Variants in LRRFIP1 observed in about 807,000 individuals in gnomAD.
LRRFIP1 encodes leucine-rich repeat flightless-interacting protein 1.
LRRFIP1 carries 62 observed loss-of-function variants against 104.4 expected under a neutral mutation model. That is an observed-to-expected ratio of 0.59 (90% CI 0.48 to 0.73). LRRFIP1 has a LOEUF of 0.73. LRRFIP1 is among the 30% of genes least tolerant of loss of function. The probability of loss-of-function intolerance (pLI) is 0.00; values close to 1 mark genes in which losing one functional copy is unlikely to be tolerated. For missense variants in LRRFIP1, 796 were observed against 824.5 expected (o/e 0.97, Z 0.42); for synonymous variants, 300 against 299.0 (o/e 1.00, Z -0.03).
intron 11 of LRRFIP1, among the ~76,000 whole-genome samples, chr2:237,740,284 C>T (rs1319790966): frequency 1.3e-5 from 2 of 151,590 alleles, no homozygotes; most frequent in Non-Finnish European, 2.9e-5. Context: ...GGTGTGGAGG[C>T]ACGCATCTGT....
At chr2:237,650,791 A>T (rs2085809232) in intron 1 of LRRFIP1, among the ~76,000 whole-genome samples, 1 of 152,134 alleles carries the variant, frequency 6.6e-6, no homozygotes, top group Non-Finnish European at 1.5e-5. Flanking sequence ...TGAATATGGG[A>T]TGGGAGAGAG....
chr2:237,645,062 G>A (rs1438459037), intron 1 of LRRFIP1, among the ~76,000 whole-genome samples: 1 of 152,190 alleles, frequency 6.6e-6, no homozygotes, highest in Non-Finnish European at 1.5e-5. Flanking sequence ...CAAGTCACTA[G>A]GTCCAGCCCA....
rs746690463 is a variant in LRRFIP1 at position 237,708,641 on chromosome 2, G to A, written c.183+11G>A. ...CGGCAGCAGAAGGAGGTAACGCTTG[G>A]GGCTCCTTGTTGGGTCTTTTCACAG... is the stretch of plus-strand genomic sequence containing the variant. On this transcript the variant is annotated intron_variant, in intron 2 of 23. Coordinates refer to ENST00000308482, the MANE Select transcript of LRRFIP1 (RefSeq NM_001137550.2). The A allele has an allele frequency of 6.9e-6, 11 of 1,590,908 alleles. No individual in the cohort carries two copies. Among genetic ancestry groups the A allele is most frequent in the Middle Eastern group, 3.3e-4 (2 of 6,022 alleles).
chr2:237,699,869 C>T (rs1290800658), intron 1 of LRRFIP1, among the ~76,000 whole-genome samples: 1 of 152,178 alleles, frequency 6.6e-6, no homozygotes, highest in African/African-American at 2.4e-5. Flanking sequence ...CCCCAGAGTG[C>T]CCTGTGCCTG....
intron 19 of LRRFIP1, chr2:237,764,221 A>G (rs990551181): frequency 4.1e-5 from 66 of 1,612,784 alleles, no homozygotes; most frequent in Non-Finnish European, 5.0e-5. Context: ...TGTAAGTAGA[A>G]TGTTCTAAAT....
At chr2:237,758,108 A>G (rs548074779) in intron 17 of LRRFIP1, among the ~76,000 whole-genome samples, 3 of 152,258 alleles carry the variant, frequency 2.0e-5, no homozygotes, top group Admixed American at 6.5e-5. Flanking sequence ...GGTTTCCCCA[A>G]AATGGTGATT....
intron 17 of LRRFIP1, 81 bp downstream of exon 17, chr2:237,757,629 C>A: frequency 9.9e-7 from 1 of 1,012,368 alleles, no homozygotes; most frequent in South Asian, 1.4e-5. Flanking sequence ...CTTTAGTTTG[C>A]AAAACCGCTT....
intron 1 of LRRFIP1, among the ~76,000 whole-genome samples, chr2:237,629,526 C>T (rs997366066): frequency 2.9e-5 from 4 of 138,512 alleles, no homozygotes; most frequent in African/African-American, 8.2e-5. Flanking sequence ...GGCTGGAGTA[C>T]AGTGGTATGA....
At chr2:237,708,868 C>T in intron 2 of LRRFIP1, 4 of 640,232 alleles carry the variant, frequency 6.2e-6, no homozygotes, top group Non-Finnish European at 1.2e-5. Flanking sequence ...AGCCTCTTGC[C>T]TGCGCAGATC....
intron 1 of LRRFIP1, among the ~76,000 whole-genome samples, chr2:237,705,022 C>A (rs2093734312): frequency 6.6e-6 from 1 of 152,320 alleles, no homozygotes; most frequent in Middle Eastern, 3.4e-3. Context: ...GGAGGGCAGA[C>A]CCCCGAGAGC....
intron 19 of LRRFIP1, among the ~76,000 whole-genome samples, chr2:237,767,541 T>C (rs1489909455): frequency 6.6e-6 from 1 of 152,222 alleles, no homozygotes. Context: ...ACTTATAGGT[T>C]GTTATACAAA....
intron 1 of LRRFIP1, among the ~76,000 whole-genome samples, chr2:237,629,467 CTTTT>C (rs745503726): frequency 0.013 from 1,487 of 117,344 alleles, 23 homozygotes; most frequent in African/African-American, 0.044. Flanking sequence ...TTTCTTTCTT[CTTTT>C]TTTTTTTTTT....
At chr2:237,777,859 A>ATCTCTCTTTCATGTTT in intron 23 of LRRFIP1, among the ~76,000 whole-genome samples, 1 of 152,068 alleles carries the variant, frequency 6.6e-6, no homozygotes, top group South Asian at 2.1e-4. Context: ...TTTTTTAACC[A>ATCTCTCTTTCATGTTT]TCTCTCTTTC....
intron 1 of LRRFIP1, among the ~76,000 whole-genome samples, chr2:237,670,239 G>A (rs981680869): frequency 3.3e-5 from 5 of 152,214 alleles, no homozygotes; most frequent in East Asian, 1.9e-4. Flanking sequence ...GCACCGGGAC[G>A]TCAGTGCCCC....
At chr2:237,695,769 T>A (rs967766688) in intron 1 of LRRFIP1, among the ~76,000 whole-genome samples, 4 of 152,100 alleles carry the variant, frequency 2.6e-5, no homozygotes, top group African/African-American at 4.8e-5. Flanking sequence ...TTTTTTTTTT[T>A]AAATAAAGAA....
At chr2:237,675,876 T>G (rs985269979) in intron 1 of LRRFIP1, among the ~76,000 whole-genome samples, 1 of 152,252 alleles carries the variant, frequency 6.6e-6, no homozygotes, top group African/African-American at 2.4e-5. Context: ...CATACTTGTC[T>G]TAAACACTAT....
intron 11 of LRRFIP1, among the ~76,000 whole-genome samples, chr2:237,742,330 A>G (rs2057223569): frequency 6.6e-6 from 1 of 152,168 alleles, no homozygotes; most frequent in Admixed American, 6.5e-5. Context: ...CTTAGGGAAC[A>G]AAGGTCAGTC....
intron 1 of LRRFIP1, 84 bp from the exon 2 acceptor site, chr2:237,708,460 T>C (rs2093919906): frequency 1.0e-6 from 1 of 1,004,992 alleles, no homozygotes; most frequent in Admixed American, 2.9e-5. Flanking sequence ...GAACAAGATT[T>C]TCTTTCCGCA....
At chr2:237,750,332 T>C (rs1450054386) in intron 13 of LRRFIP1, among the ~76,000 whole-genome samples, 3 of 125,086 alleles carry the variant, frequency 2.4e-5, no homozygotes, top group African/African-American at 6.5e-5. Flanking sequence ...CTTTCTTTTT[T>C]TTTTTTTTTT....
Sources: gnomAD v4.1 joint callset for allele counts (sites outside exome capture counted in the v4.1 genomes callset) on GRCh38, gnomAD v4.1.1 for gene constraint, MANE v1.5 for transcripts, NCBI Gene and HGNC (gene_info 2026-07-23, HGNC 2026-07-21) for gene names.